PRP4K: variants seen among roughly 807,000 people sequenced by gnomAD.
The protein encoded by PRP4K is serine/threonine-protein kinase PRP4 homolog.
At chr6:4,044,864 T>TTTA in the PRP4K span, among the ~76,000 whole-genome samples, 7 of 33,182 alleles carry the variant, frequency 2.1e-4, 1 homozygote, top group South Asian at 1.5e-3. Flanking sequence ...ATTATTATTA[T>TTTA]TTTTTTTTTT....
At chr6:4,030,643 A>C in the PRP4K span, among the ~76,000 whole-genome samples, 1 of 152,174 alleles carries the variant, frequency 6.6e-6, no homozygotes, top group African/African-American at 2.4e-5. Flanking sequence ...AGAATCCCCC[A>C]CTTTATTTAT....
chr6:4,054,051 C>G, the PRP4K span, among the ~76,000 whole-genome samples: 1 of 151,672 alleles, frequency 6.6e-6, no homozygotes, highest in Admixed American at 6.6e-5. Context: ...CTGGGACTAC[C>G]CACAGGCACA....
At chr6:4,027,613 T>TTG in the PRP4K span, among the ~76,000 whole-genome samples, 6 of 38,548 alleles carry the variant, frequency 1.6e-4, no homozygotes, top group Admixed American at 3.1e-4. Context: ...GGGGGTGGGG[T>TTG]GGGGGTTGGT....
At chr6:4,048,174 C>T in the PRP4K span, among the ~76,000 whole-genome samples, 1 of 151,856 alleles carries the variant, frequency 6.6e-6, no homozygotes, top group Non-Finnish European at 1.5e-5. Context: ...GTCAGGAGAT[C>T]GAGACCATCC....
chr6:4,033,178 T>C, the PRP4K span, among the ~76,000 whole-genome samples: 2 of 152,198 alleles, frequency 1.3e-5, no homozygotes, highest in Non-Finnish European at 2.9e-5. Context: ...TGTGTTCTGT[T>C]CATTCTCTTG....
chr6:4,023,091 A>G, the PRP4K span, among the ~76,000 whole-genome samples: 1 of 152,234 alleles, frequency 6.6e-6, no homozygotes, highest in Non-Finnish European at 1.5e-5. Context: ...TTTGGTCTGT[A>G]TATGTCTCAC....
chr6:4,048,920 T>C, the PRP4K span: 1 of 715,308 alleles, frequency 1.4e-6, no homozygotes, highest in Non-Finnish European at 2.2e-6. Context: ...ATGCTTTTAT[T>C]AAATTATATC....
chr6:4,047,195 T>C, the PRP4K span: 2 of 1,612,146 alleles, frequency 1.2e-6, no homozygotes, highest in Non-Finnish European at 1.7e-6. Flanking sequence ...GAAGAAGTTG[T>C]TGGCACCTGA....
chr6:4,036,970 A>G, the PRP4K span, among the ~76,000 whole-genome samples: 1 of 130,648 alleles, frequency 7.7e-6, no homozygotes, highest in African/African-American at 3.0e-5. Context: ...TGGGTGACAG[A>G]GTTAGACCCT....
At chr6:4,032,190 A>C in the PRP4K span, 1 of 1,613,986 alleles carries the variant, frequency 6.2e-7, no homozygotes, top group Non-Finnish European at 8.5e-7. Context: ...AAAATCTAAA[A>C]GCCCATCCAA....
At chr6:4,040,674 A>C in the PRP4K span, 1 of 1,281,172 alleles carries the variant, frequency 7.8e-7, no homozygotes, top group Non-Finnish European at 1.1e-6. Flanking sequence ...AATTGAGTAG[A>C]AAGTAGAATT....
chr6:4,042,251 T>G, the PRP4K span, among the ~76,000 whole-genome samples: 1 of 152,236 alleles, frequency 6.6e-6, no homozygotes, highest in Non-Finnish European at 1.5e-5. Context: ...GAGTTATTTC[T>G]TTTATTCCCA....
At chr6:4,045,941 T>C in the PRP4K span, among the ~76,000 whole-genome samples, 1 of 152,380 alleles carries the variant, frequency 6.6e-6, no homozygotes, top group Admixed American at 6.5e-5. Context: ...GTATATGTTG[T>C]ATCCTACCTA....
the PRP4K span, chr6:4,051,848 T>C: frequency 1.5e-6 from 1 of 676,884 alleles, no homozygotes; most frequent in Non-Finnish European, 2.4e-6. Flanking sequence ...ATATACAGAC[T>C]TCTCCCACAC....
At chr6:4,027,607 G>GGGGGGGGGGT in the PRP4K span, among the ~76,000 whole-genome samples, 13 of 94,534 alleles carry the variant, frequency 1.4e-4, no homozygotes, top group East Asian at 4.1e-4. Context: ...GGGTGGGGGG[G>GGGGGGGGGGT]TGGGGTGGGG....
At chr6:4,048,990 T>G in the PRP4K span, 1 of 1,567,758 alleles carries the variant, frequency 6.4e-7, no homozygotes, top group Non-Finnish European at 8.7e-7. Context: ...GTGGGTAAAC[T>G]GTTCATGTTG....
At chr6:4,021,365 C>G in the PRP4K span, 1 of 1,551,540 alleles carries the variant, frequency 6.4e-7, no homozygotes, top group Non-Finnish European at 8.7e-7. Flanking sequence ...TCCTCCACTT[C>G]CCCTACCCTC....
At chr6:4,055,485 G>A in the PRP4K span, among the ~76,000 whole-genome samples, 1 of 152,122 alleles carries the variant, frequency 6.6e-6, no homozygotes, top group East Asian at 1.9e-4. Flanking sequence ...GTGTTATGCT[G>A]CTTTGGGGTG....
At chr6:4,039,064 T>C in the PRP4K span, among the ~76,000 whole-genome samples, 1 of 152,190 alleles carries the variant, frequency 6.6e-6, no homozygotes, top group Non-Finnish European at 1.5e-5. Flanking sequence ...GAGATTTTTG[T>C]TCTTTATAGT....
Sources: gnomAD v4.1 joint callset for allele counts (sites outside exome capture counted in the v4.1 genomes callset) on GRCh38, gnomAD v4.1.1 for gene constraint, MANE v1.5 for transcripts, NCBI Gene and HGNC (gene_info 2026-07-23, HGNC 2026-07-21) for gene names.